The following UHRF2 variants were observed in gnomAD, a reference collection of about 807,000 sequenced individuals.
UHRF2 encodes the protein ubiquitin like with PHD and ring finger domains 2.
Under a neutral mutation model 96.8 loss-of-function variants are expected in UHRF2, and 23 were observed. That is an observed-to-expected ratio of 0.24 (90% CI 0.17 to 0.34). The LOEUF is 0.34. Ranked by LOEUF, UHRF2 falls within the 10% of genes least tolerant of loss-of-function variation. The probability of loss-of-function intolerance (pLI) is 1.00; values close to 1 mark genes in which losing one functional copy is unlikely to be tolerated. For synonymous variants in UHRF2, 385 were observed against 332.6 expected, an observed-to-expected ratio of 1.16 and a Z score of -1.72; for missense variants, 685 against 981.5, an observed-to-expected ratio of 0.70 and a Z score of 4.04.
chr9:6,472,954 A>G (rs752763116), intron 4 of UHRF2, among the ~76,000 whole-genome samples: 16 of 152,186 alleles, frequency 1.1e-4, no homozygotes, highest in Non-Finnish European at 1.9e-4. Context: ...AACTCATGAG[A>G]TGTTTTGTGT....
At chr9:6,434,866 T>C (rs1820749539) in intron 3 of UHRF2, among the ~76,000 whole-genome samples, 1 of 152,150 alleles carries the variant, frequency 6.6e-6, no homozygotes, top group Admixed American at 6.5e-5. Context: ...GGTCCCACTT[T>C]GTTGCACATA....
Position 6,438,979 on chromosome 9 carries a change from T to C in UHRF2, c.644+4806T>C, listed in dbSNP as rs1054186429. 9.5e-4 allele frequency among the ~76,000 whole-genome samples: 145 copies of C among 152,184 alleles called. 3 individuals are homozygous for C. Among genetic ancestry groups the C allele is most frequent in the Admixed American group, 9.4e-3 (144 of 15,278 alleles). ...CACCAAACCAAAAAAATTTAAGATA[T>C]AGTAGAAGATGTAATTCTAAAATAT... On this transcript the variant is annotated intron_variant, in intron 3 of 15. Transcript: ENST00000276893.
intron 12 of UHRF2, chr9:6,499,461 A>G (rs2130966686): frequency 6.5e-6 from 1 of 153,414 alleles, no homozygotes; most frequent in African/African-American, 2.4e-5. Context: ...ACTGTGATCC[A>G]ATCCATCTGC....
intron 9 of UHRF2, among the ~76,000 whole-genome samples, chr9:6,490,177 T>G (rs370767530): frequency 6.6e-5 from 10 of 152,354 alleles, no homozygotes; most frequent in African/African-American, 2.4e-4. Flanking sequence ...ATTTGAGACT[T>G]GGGCCAAATT....
chr9:6,424,300 T>A (rs1820111164), intron 2 of UHRF2, among the ~76,000 whole-genome samples: 2 of 152,078 alleles, frequency 1.3e-5, no homozygotes, highest in Non-Finnish European at 1.5e-5. Flanking sequence ...AGGAAAAAAA[T>A]TTGCAATAAC....
intron 2 of UHRF2, among the ~76,000 whole-genome samples, chr9:6,423,711 C>T (rs1257523718): frequency 2.0e-5 from 3 of 150,702 alleles, no homozygotes; most frequent in East Asian, 3.9e-4. Context: ...TTTGGGAGGC[C>T]GAGGCGGGTG....
chr9:6,442,420 C>G (rs1038773819), intron 3 of UHRF2, among the ~76,000 whole-genome samples: 2 of 152,154 alleles, frequency 1.3e-5, no homozygotes, highest in African/African-American at 2.4e-5. Context: ...AATTTTCAAT[C>G]AGTTCAAAAG....
chr9:6,488,038 C>G (rs1824413318), intron 9 of UHRF2, among the ~76,000 whole-genome samples: 1 of 151,436 alleles, frequency 6.6e-6, no homozygotes, highest in South Asian at 2.1e-4. Flanking sequence ...CTCAGGAGTT[C>G]AAGACCAGCC....
intron 3 of UHRF2, 105 bp from the exon 4 acceptor site, chr9:6,460,468 C>T: frequency 1.0e-6 from 1 of 956,062 alleles, no homozygotes; most frequent in Non-Finnish European, 1.5e-6. Context: ...CTATTTTACT[C>T]TTTCTCTTAG....
intron 3 of UHRF2, among the ~76,000 whole-genome samples, chr9:6,447,941 T>A (rs150528914): frequency 9.9e-5 from 15 of 152,206 alleles, no homozygotes; most frequent in African/African-American, 3.6e-4. Flanking sequence ...AACAAGAGGA[T>A]TGGTTAATTT....
intron 4 of UHRF2, chr9:6,468,669 A>G (rs897418327): frequency 2.2e-5 from 10 of 455,956 alleles, no homozygotes; most frequent in African/African-American, 1.4e-4. Flanking sequence ...CTTTGGTTGA[A>G]TACTGGACTT....
intron 4 of UHRF2, among the ~76,000 whole-genome samples, chr9:6,466,158 TG>T (rs1324443490): frequency 1.3e-5 from 2 of 152,158 alleles, no homozygotes; most frequent in African/African-American, 4.8e-5. Flanking sequence ...CCTAGCACTT[TG>T]GGAGGCCAAG....
At chr9:6,464,571 G>A (rs1822752071) in intron 4 of UHRF2, among the ~76,000 whole-genome samples, 1 of 152,042 alleles carries the variant, frequency 6.6e-6, no homozygotes, top group African/African-American at 2.4e-5. Flanking sequence ...TTGACTTGGA[G>A]TAGATTTTTG....
rs1032596269 is a variant in UHRF2, at chr9:6,486,759, A to C, written c.1393-62A>C. 1.0e-4 allele frequency: 152 copies of C among 1,522,494 alleles called. No homozygotes were observed. The African/African-American group carries it at 1.8e-3, about 18-fold the overall frequency. 94.3% of individuals were successfully genotyped at this position (1,522,494 alleles called of 1,614,324 possible). ...AGGTACCAAGAATATATATGAAAGC[A>C]TTTTGTAAATGTATCTTAACTGTTC... On this transcript the variant is annotated intron_variant, in intron 8 of 15. Coordinates refer to ENST00000276893, the MANE Select transcript of UHRF2 (RefSeq NM_152896.3).
chr9:6,424,292 GA>G (rs1357634696), intron 2 of UHRF2, among the ~76,000 whole-genome samples: 14 of 152,106 alleles, frequency 9.2e-5, no homozygotes, highest in Admixed American at 7.2e-4. Context: ...ATTAGAACAG[GA>G]AAAAAATTTG....
intron 9 of UHRF2, among the ~76,000 whole-genome samples, chr9:6,490,807 C>T (rs1031270899): frequency 7.4e-4 from 113 of 152,098 alleles, no homozygotes; most frequent in African/African-American, 2.7e-3. Context: ...ACTAAGATGA[C>T]ATATAGGCCT....
At chr9:6,430,396 T>C (rs1820500632) in intron 2 of UHRF2, among the ~76,000 whole-genome samples, 1 of 152,182 alleles carries the variant, frequency 6.6e-6, no homozygotes, top group Non-Finnish European at 1.5e-5. Flanking sequence ...TTTAGCTTTT[T>C]AGTTCAACTC....
intron 3 of UHRF2, among the ~76,000 whole-genome samples, chr9:6,440,267 G>A (rs1821086083): frequency 6.6e-6 from 1 of 152,176 alleles, no homozygotes; most frequent in Non-Finnish European, 1.5e-5. Context: ...TTTAGAGAAT[G>A]TTGTCTTATG....
intron 2 of UHRF2, among the ~76,000 whole-genome samples, chr9:6,429,012 A>G (rs989071616): frequency 5.9e-5 from 9 of 152,160 alleles, no homozygotes; most frequent in Admixed American, 3.3e-4. Context: ...TAAAAATATA[A>G]AAGGTTAGAC....
Sources: gnomAD v4.1 joint callset for allele counts (sites outside exome capture counted in the v4.1 genomes callset) on GRCh38, gnomAD v4.1.1 for gene constraint, MANE v1.5 for transcripts, NCBI Gene and HGNC (gene_info 2026-07-23, HGNC 2026-07-21) for gene names.